Variants in CPNE4 observed in about 807,000 individuals in gnomAD.
CPNE4 encodes copine 4.
CPNE4 carries 25 observed loss-of-function variants against 67.9 expected under a neutral mutation model. The ratio of observed to expected loss-of-function variants is 0.37; its 90% CI spans 0.27 to 0.51. CPNE4 has a LOEUF of 0.51. CPNE4 is among the 20% of genes least tolerant of loss of function. The pLI is 0.93. For synonymous variants in CPNE4, 242 were observed against 244.9 expected, an observed-to-expected ratio of 0.99 and a Z score of 0.11; for missense variants, 464 against 690.8, an observed-to-expected ratio of 0.67 and a Z score of 3.68.
chr3:131,796,152 G>A (rs1193385962), intron 2 of CPNE4, among the ~76,000 whole-genome samples: 2 of 145,436 alleles, frequency 1.4e-5, no homozygotes, highest in South Asian at 2.2e-4. Flanking sequence ...AGATGACAGA[G>A]TTTTTTTTTT....
chr3:131,893,281 G>T (rs1435634891), intron 2 of CPNE4, among the ~76,000 whole-genome samples: 2 of 151,978 alleles, frequency 1.3e-5, no homozygotes, highest in African/African-American at 4.8e-5. Context: ...TATAACAATT[G>T]TAAATATATA....
At chr3:131,942,354 C>A (rs1464023304) in intron 1 of CPNE4, among the ~76,000 whole-genome samples, 5 of 150,918 alleles carry the variant, frequency 3.3e-5, no homozygotes, top group Non-Finnish European at 7.4e-5. Flanking sequence ...AAGCTAAAAT[C>A]ATCTATAATC....
chr3:131,686,263 A>G (rs1157554621), intron 5 of CPNE4, among the ~76,000 whole-genome samples: 4 of 152,256 alleles, frequency 2.6e-5, no homozygotes, highest in African/African-American at 9.6e-5. Flanking sequence ...TGAAATTCAA[A>G]GTATTCTTCA....
At chr3:131,753,973 A>G (rs1053204322) in intron 2 of CPNE4, among the ~76,000 whole-genome samples, 1 of 152,152 alleles carries the variant, frequency 6.6e-6, no homozygotes. Flanking sequence ...AAAAAATATG[A>G]AGAGATATAT....
At chr3:131,674,730 T>C (rs1230451452) in intron 6 of CPNE4, among the ~76,000 whole-genome samples, 1 of 151,918 alleles carries the variant, frequency 6.6e-6, no homozygotes, top group East Asian at 1.9e-4. Flanking sequence ...GCTAAAGTTT[T>C]ATCAATTTTC....
chr3:131,584,820 T>C (rs992307075), intron 8 of CPNE4, among the ~76,000 whole-genome samples: 127 of 152,200 alleles, frequency 8.3e-4, no homozygotes, highest in Non-Finnish European at 1.5e-3. Flanking sequence ...TGTTATTTAA[T>C]TTTATTTTAA....
intron 2 of CPNE4, among the ~76,000 whole-genome samples, chr3:131,824,141 TATATAAATAA>T (rs2085063702): frequency 6.7e-6 from 1 of 149,804 alleles, no homozygotes; most frequent in African/African-American, 2.5e-5. Context: ...TGTAGTACTT[TATATAAATAA>T]AGTGTGAGAT....
At chr3:131,735,044 A>G (rs1386277059) in intron 2 of CPNE4, among the ~76,000 whole-genome samples, 2 of 152,182 alleles carry the variant, frequency 1.3e-5, no homozygotes, top group African/African-American at 2.4e-5. Flanking sequence ...GCGTGCCTAC[A>G]AGGTCTAGGG....
upstream of CPNE4, chr3:132,037,887 G>A (rs999520678): frequency 3.0e-6 from 1 of 338,796 alleles, no homozygotes; most frequent in South Asian, 6.5e-5. Flanking sequence ...GATGATGAAG[G>A]GGAAAAACAG....
chr3:131,545,997 G>A (rs1258648794), intron 14 of CPNE4, among the ~76,000 whole-genome samples: 1 of 152,124 alleles, frequency 6.6e-6, no homozygotes, highest in Admixed American at 6.5e-5. Context: ...GGGAGTCAGA[G>A]GTTGCAGTGA....
chr3:131,639,680 C>G (rs1285710228), intron 7 of CPNE4, among the ~76,000 whole-genome samples: 1 of 152,008 alleles, frequency 6.6e-6, no homozygotes, highest in Non-Finnish European at 1.5e-5. Flanking sequence ...GCCCTAATAC[C>G]AAAACCAGGG....
At chr3:131,897,062 G>A (rs2088366841) in intron 2 of CPNE4, among the ~76,000 whole-genome samples, 1 of 152,072 alleles carries the variant, frequency 6.6e-6, no homozygotes, top group African/African-American at 2.4e-5. Context: ...CATGGTTTTA[G>A]ATGAGGACAT....
intron 7 of CPNE4, among the ~76,000 whole-genome samples, chr3:131,654,994 GGAAA>G (rs1237585653): frequency 2.6e-5 from 4 of 152,132 alleles, no homozygotes; most frequent in Non-Finnish European, 5.9e-5. Flanking sequence ...AAACACTCTG[GGAAA>G]GAGTCTTTGA....
intron 3 of CPNE4, among the ~76,000 whole-genome samples, chr3:131,723,011 T>C (rs1341531082): frequency 6.6e-6 from 1 of 152,198 alleles, no homozygotes; most frequent in Non-Finnish European, 1.5e-5. Context: ...GCCTCTGCCT[T>C]GGGCTATTTT....
At chr3:131,969,384 A>G (rs559297448) in intron 1 of CPNE4, among the ~76,000 whole-genome samples, 15 of 151,938 alleles carry the variant, frequency 9.9e-5, no homozygotes, top group Non-Finnish European at 2.1e-4. Context: ...AAAAAAAAGT[A>G]ATGGCAAAAA....
chr3:131,627,210 AG>A (rs376194534), intron 7 of CPNE4, among the ~76,000 whole-genome samples: 2 of 150,004 alleles, frequency 1.3e-5, no homozygotes, highest in East Asian at 3.9e-4. Context: ...AAAAAAAAAA[AG>A]AAAAAAAGAA....
At chr3:131,949,316 T>C (rs1244379034) in intron 1 of CPNE4, among the ~76,000 whole-genome samples, 2 of 152,188 alleles carry the variant, frequency 1.3e-5, no homozygotes, top group African/African-American at 2.4e-5. Flanking sequence ...AAAACATTCA[T>C]TGAGCATCAA....
chr3:131,895,211 AG>A, intron 2 of CPNE4, among the ~76,000 whole-genome samples: 1 of 152,172 alleles, frequency 6.6e-6, no homozygotes, highest in Middle Eastern at 3.4e-3. Context: ...GAGGCTGAGA[AG>A]GGGAGGAGAG....
At chr3:131,973,480 T>C (rs1408239518) in intron 1 of CPNE4, among the ~76,000 whole-genome samples, 1 of 152,234 alleles carries the variant, frequency 6.6e-6, no homozygotes, top group African/African-American at 2.4e-5. Flanking sequence ...GTGCCTTACA[T>C]ATATTGATTA....
Sources: allele counts gnomAD v4.1 joint callset (sites outside exome capture counted in the v4.1 genomes callset), GRCh38; gene constraint gnomAD v4.1.1; transcripts MANE v1.5; gene names NCBI Gene and HGNC (gene_info 2026-07-23, HGNC 2026-07-21).